NECTIN1: variants seen among roughly 807,000 people sequenced by gnomAD.
The protein encoded by NECTIN1 is nectin cell adhesion molecule 1, also known as nectin-1.
NECTIN1 carries 23 observed loss-of-function variants against 48.0 expected under a neutral mutation model. The observed-to-expected ratio is 0.48, with a 90% CI of 0.34 to 0.68. NECTIN1 has a LOEUF of 0.68. NECTIN1 is among the 30% of genes least tolerant of loss of function. NECTIN1 has a pLI of 0.01. For synonymous variants in NECTIN1, 270 were observed against 288.9 expected, an observed-to-expected ratio of 0.93 and a Z score of 0.66; for missense variants, 591 against 709.9, an observed-to-expected ratio of 0.83 and a Z score of 1.90.
chr11:119,682,098 C>T (rs867686044), intron 1 of NECTIN1, among the ~76,000 whole-genome samples: 7 of 152,122 alleles, frequency 4.6e-5, no homozygotes, highest in African/African-American at 9.7e-5. Flanking sequence ...ACCCAAGCCT[C>T]GTATTAGGGG....
chr11:119,702,629 G>C (rs1865477253), intron 1 of NECTIN1, among the ~76,000 whole-genome samples: 1 of 152,222 alleles, frequency 6.6e-6, no homozygotes. Context: ...CTGACTCCAG[G>C]CTCCTGGGTT....
chr11:119,649,140 G>T (rs1864454224), intron 5 of NECTIN1, among the ~76,000 whole-genome samples: 2 of 152,216 alleles, frequency 1.3e-5, no homozygotes, highest in African/African-American at 2.4e-5. Context: ...CAACACTTTG[G>T]GAGGCAGAGG....
In NECTIN1 at chr11:119,728,455, G is replaced by T. The variant is rs1248536813; in HGVS notation, c.79+20C>A. 3 of 1,587,966 alleles carry T rather than the reference G, an allele frequency of 1.9e-6. No homozygotes were observed. Among genetic ancestry groups the T allele is most frequent in the Non-Finnish European group, 2.6e-6 (3 of 1,168,158 alleles). ...GAGGCATTGGATGGGGGTGGGGACA[G>T]CAGAGGTGAGCGCTCTTACCTGGGA... On this transcript the variant is annotated intron_variant, in intron 1 of 5. Coordinates refer to ENST00000264025, the MANE Select transcript of NECTIN1 (RefSeq NM_002855.5).
chr11:119,646,465 G>A (rs1322448081), intron 5 of NECTIN1, among the ~76,000 whole-genome samples: 1 of 152,190 alleles, frequency 6.6e-6, no homozygotes, highest in Non-Finnish European at 1.5e-5. Flanking sequence ...GTAGAATCTC[G>A]GCTGCTTCAC....
At chr11:119,726,557 T>A (rs1271246548) in intron 1 of NECTIN1, among the ~76,000 whole-genome samples, 1 of 152,232 alleles carries the variant, frequency 6.6e-6, no homozygotes, top group Non-Finnish European at 1.5e-5. Context: ...AGGGGTTGTA[T>A]CCACCTTGAG....
At chr11:119,676,773 T>C (rs1864957555) in intron 4 of NECTIN1, 1 of 389,426 alleles carries the variant, frequency 2.6e-6, no homozygotes, top group Admixed American at 3.7e-5. Flanking sequence ...AAATAAATAC[T>C]GGGGGGTTGG....
chr11:119,685,344 G>A (rs1403113427), intron 1 of NECTIN1, among the ~76,000 whole-genome samples: 2 of 152,230 alleles, frequency 1.3e-5, no homozygotes, highest in African/African-American at 4.8e-5. Flanking sequence ...CCGGCGCCTT[G>A]GGCGGGTGAG....
At chr11:119,718,709 G>A (rs1292884967) in intron 1 of NECTIN1, among the ~76,000 whole-genome samples, 1 of 152,182 alleles carries the variant, frequency 6.6e-6, no homozygotes, top group African/African-American at 2.4e-5. Context: ...AATGGTATCA[G>A]TGATGCCCAA....
chr11:119,717,776 G>C (rs566524551), intron 1 of NECTIN1, among the ~76,000 whole-genome samples: 13 of 152,156 alleles, frequency 8.5e-5, no homozygotes, highest in Non-Finnish European at 1.8e-4. Flanking sequence ...CTGCAGGCCC[G>C]GGGGTAGGGG....
chr11:119,684,662 G>C lies in NECTIN1; in HGVS notation c.80-5897C>G, dbSNP rs538920942. Among the ~76,000 whole-genome samples, 3 of 152,112 alleles carry C rather than the reference G, an allele frequency of 2.0e-5. No homozygotes were observed. Among genetic ancestry groups the C allele is most frequent in the Admixed American group, 2.0e-4 (3 of 15,276 alleles). On this transcript the variant is annotated intron_variant, in intron 1 of 5. Transcript: ENST00000264025. This position sits in a 1 kb window ranked among gnomAD's most constrained non-coding sequence, Gnocchi z 5.2. The stretch of plus-strand genomic sequence containing the variant: ...AGGTTATAGGCCCCCTCCTCCCAGT[G>C]CAGCCGCTTCCCTGATTGTCAACTC...
chr11:119,715,227 C>T (rs1865725647), intron 1 of NECTIN1, among the ~76,000 whole-genome samples: 1 of 152,192 alleles, frequency 6.6e-6, no homozygotes. Context: ...GCTAAGACTC[C>T]AGGATTCTCT....
intron 1 of NECTIN1, among the ~76,000 whole-genome samples, chr11:119,690,549 C>G (rs555412699): frequency 2.4e-4 from 37 of 152,314 alleles, no homozygotes; most frequent in African/African-American, 7.7e-4. Context: ...CAGGAGCCCC[C>G]ACCAAAGGGT....
At position 119,677,227 on chromosome 11, in the gene NECTIN1, G is replaced by T; in HGVS notation, c.734-8C>A. 1.2e-6 allele frequency: 2 copies of T among 1,610,756 alleles called. No individual in the cohort carries two copies. Among genetic ancestry groups the T allele is most frequent in the Non-Finnish European group, 1.7e-6 (2 of 1,176,938 alleles). ...TGGTTACCTCAGGCTCATCTGTGGGGCAAGGGATGTTTGAAGAGGGTGAGG... is the reference window on the plus strand; with the variant it reads ...TGGTTACCTCAGGCTCATCTGTGGGTCAAGGGATGTTTGAAGAGGGTGAGG... On this transcript the variant is annotated splice_region_variant and splice_polypyrimidine_tract_variant and intron_variant, in intron 3 of 5. Coordinates refer to ENST00000264025, the MANE Select transcript of NECTIN1 (RefSeq NM_002855.5). This position sits in a 1 kb window ranked among gnomAD's most constrained non-coding sequence, Gnocchi z 5.4.
At chr11:119,668,575 C>G (rs1294057726) in intron 5 of NECTIN1, among the ~76,000 whole-genome samples, 2 of 152,224 alleles carry the variant, frequency 1.3e-5, no homozygotes, top group Non-Finnish European at 2.9e-5. Context: ...CTCATCCTCC[C>G]TCCCCACCGA....
intron 1 of NECTIN1, among the ~76,000 whole-genome samples, chr11:119,720,137 G>C (rs1865803233): frequency 1.3e-5 from 2 of 152,222 alleles, no homozygotes; most frequent in African/African-American, 4.8e-5. Context: ...AGCAGACTGA[G>C]GATGTGCCAC....
rs1864687016 is a variant in NECTIN1 at position 119,662,629 on chromosome 11, GCCT to G, written c.*2115_*2117del. The G allele has an allele frequency of 1.0e-6, 1 of 985,524 alleles. No homozygotes were observed. The highest frequency in any genetic ancestry group is 6.2e-5 in the Admixed American group (1 of 16,246). 61.0% of individuals were successfully genotyped at this position (985,524 alleles called of 1,614,324 possible). A position where few individuals can be genotyped will look rare whatever the true frequency, so the allele number is the denominator to read the frequency against. ...CTCTATCAGGCAGGCCCCTGGGATT[GCCT>G]CCTGCCTGGGGGAAAAGGGGACCAA... On this transcript the variant is annotated 3_prime_UTR_variant, in exon 6 of 6. Transcript: ENST00000264025. The surrounding 1 kb of genome is among the most constrained non-coding windows in gnomAD (Gnocchi z 5.3).
chr11:119,724,254 C>G (rs969933473), intron 1 of NECTIN1, among the ~76,000 whole-genome samples: 1 of 152,182 alleles, frequency 6.6e-6, no homozygotes. Flanking sequence ...TTTGCCCCTC[C>G]CAGCCGTTCA....
chr11:119,664,953 C>T lies in NECTIN1; in HGVS notation c.1348G>A (p.Glu450Lys), dbSNP rs769256224. ...GGGTGGGGGCCGCCCACCTTGCGCT[C>T]GCCCCCTCCACCGCCCTCCTCCTCC... ...EEEEEGGGGGERKVGGPHPKY... is the reference protein window; with the variant it reads ...EEEEEGGGGGKRKVGGPHPKY... Residue 450 changes from glutamate to lysine, a missense_variant, in exon 6 of 6, where the codon GAG (glutamate) becomes AAG (lysine). Physicochemically the swap from Glu to Lys is moderately conservative, Grantham distance 56. Coordinates refer to ENST00000264025, the MANE Select transcript of NECTIN1 (RefSeq NM_002855.5). The T allele has an allele frequency of 3.7e-6, 6 of 1,613,468 alleles. No individual in the cohort carries two copies. Among genetic ancestry groups the T allele is most frequent in the South Asian group, 1.1e-5 (1 of 91,068 alleles).
At chr11:119,654,247 TC>T (rs1160208540) in intron 5 of NECTIN1, 1 of 150,154 alleles carries the variant, frequency 6.7e-6, no homozygotes, top group African/African-American at 2.5e-5. Flanking sequence ...ATCTGAATAT[TC>T]ATCCATCCAT....
Sources: gnomAD v4.1 joint callset for allele counts (sites outside exome capture counted in the v4.1 genomes callset) on GRCh38, gnomAD v4.1.1 for gene constraint, Gnocchi (gnomAD v3.1) non-coding constraint, MANE v1.5 for transcripts, NCBI Gene and HGNC (gene_info 2026-07-23, HGNC 2026-07-21) for gene names.